Variants in ADAMTS2 observed in about 807,000 individuals in gnomAD.
ADAMTS2 encodes the protein A disintegrin and metalloproteinase with thrombospondin motifs 2.
Under a neutral mutation model 123.0 loss-of-function variants are expected in ADAMTS2, and 50 were observed. That is an observed-to-expected ratio of 0.41 (90% confidence interval 0.32 to 0.51). The LOEUF (loss-of-function observed/expected upper bound fraction) is 0.51, where lower values mean the gene tolerates loss of function less well. ADAMTS2 is among the 20% of genes least tolerant of loss of function. The probability of loss-of-function intolerance (pLI) is 0.35; values close to 1 mark genes in which losing one functional copy is unlikely to be tolerated. For missense variants in ADAMTS2, 1,494 were observed against 1,705.2 expected (o/e 0.88, Z 2.18); for synonymous variants, 678 against 695.4 (o/e 0.98, Z 0.39).
intron 3 of ADAMTS2, among the ~76,000 whole-genome samples, chr5:179,217,674 C>T (rs1765012108): frequency 8.1e-6 from 1 of 123,766 alleles, no homozygotes; most frequent in Non-Finnish European, 1.8e-5. Flanking sequence ...CTTAGCTGCC[C>T]CATCCCCTGT....
intron 3 of ADAMTS2, among the ~76,000 whole-genome samples, chr5:179,259,344 G>C (rs1376727756): frequency 1.3e-5 from 2 of 152,250 alleles, no homozygotes; most frequent in Non-Finnish European, 2.9e-5. Flanking sequence ...TTTGTGGACT[G>C]ACTAGTGCAC....
chr5:179,319,265 G>C (rs911379997), intron 2 of ADAMTS2, among the ~76,000 whole-genome samples: 3 of 152,246 alleles, frequency 2.0e-5, no homozygotes, highest in African/African-American at 7.2e-5. Flanking sequence ...CCACACATGT[G>C]CACTACACAC....
chr5:179,227,942 T>C (rs747204917), intron 3 of ADAMTS2, among the ~76,000 whole-genome samples: 7 of 151,856 alleles, frequency 4.6e-5, no homozygotes, highest in Non-Finnish European at 8.8e-5. Context: ...GAGTCACAGC[T>C]TGGGTGCAGA....
chr5:179,209,200 C>T (rs1764791937), intron 3 of ADAMTS2, among the ~76,000 whole-genome samples: 3 of 152,312 alleles, frequency 2.0e-5, no homozygotes, highest in East Asian at 3.9e-4. Flanking sequence ...ACTCGGTGGA[C>T]GTGGCCATTT....
Position 179,314,732 on chromosome 5 carries a change from G to A in ADAMTS2, c.534+29035C>T, listed in dbSNP as rs936666439. 3.9e-5 allele frequency among the ~76,000 whole-genome samples: 6 copies of A among 152,110 alleles called. No individual in the cohort carries two copies. On this transcript the variant is annotated intron_variant, in intron 2 of 21. Transcript: ENST00000251582. The surrounding 1 kb of genome is among the most constrained non-coding windows in gnomAD (Gnocchi z 4.5). Reference sequence around the variant, plus strand: ...TCCACCAAGCCCTTGTAGCCTTCCTGCACCCAGGTGGGGCTCCTGTCCCCC... The same window carrying A: ...TCCACCAAGCCCTTGTAGCCTTCCTACACCCAGGTGGGGCTCCTGTCCCCC...
intron 3 of ADAMTS2, among the ~76,000 whole-genome samples, chr5:179,209,389 G>A (rs1764796091): frequency 3.9e-5 from 6 of 152,204 alleles, no homozygotes; most frequent in Admixed American, 3.9e-4. Flanking sequence ...GCGAGGCGGA[G>A]GGTGAGGGCT....
Position 179,113,949 on chromosome 5 carries a change from C to T in ADAMTS2, c.3554G>A (p.Ser1185Asn). ...TTGGTTTCTGGTCTTTTCATAGGGG[C>T]TCGGTCGTCGAGGGATTAGGTTGGG... is the stretch of plus-strand genomic sequence containing the variant. ...QPPNLIPRRP[S>N]PYEKTRNQRI... Residue 1185 changes from serine (S) to asparagine (N), a missense_variant, in exon 22 of 22, where the codon AGC (serine) becomes AAC (asparagine). Physicochemically the swap from Ser to Asn is conservative, Grantham distance 46. This residue lies in a region of ADAMTS2 where 953 missense variants were observed against 1,124.7 expected (regional missense o/e 0.85). Transcript: ENST00000251582. 6.2e-7 allele frequency: 1 copy of T among 1,614,128 alleles called. No homozygotes were observed. Among genetic ancestry groups the T allele is most frequent in the Non-Finnish European group, 8.5e-7 (1 of 1,180,030 alleles).
chr5:179,122,892 C>T (rs1262541597), intron 19 of ADAMTS2, 119 bp from the exon 20 acceptor site: 3 of 1,474,304 alleles, frequency 2.0e-6, no homozygotes, highest in Non-Finnish European at 2.8e-6. Flanking sequence ...AGGTGTGGGA[C>T]AGTGGGGAGA....
chr5:179,147,849 A>C (rs140047896), intron 10 of ADAMTS2, among the ~76,000 whole-genome samples: 6 of 152,346 alleles, frequency 3.9e-5, no homozygotes, highest in Admixed American at 3.9e-4. Flanking sequence ...AATTGTATCA[A>C]TGAGAAGCAG....
chr5:179,119,631 G>A (rs1040074159), intron 21 of ADAMTS2, among the ~76,000 whole-genome samples: 2 of 152,264 alleles, frequency 1.3e-5, no homozygotes, highest in Non-Finnish European at 1.5e-5. Context: ...CCCCTCTCCC[G>A]ACCCAGGCTT....
chr5:179,271,596 G>A lies in ADAMTS2; in HGVS notation c.688+1315C>T, dbSNP rs527942851. Among the ~76,000 whole-genome samples the A allele has an allele frequency of 1.2e-4, 19 of 152,312 alleles. No homozygotes were observed. The South Asian group carries it at 2.1e-3, about 17-fold the overall frequency. On this transcript the variant is annotated intron_variant, in intron 3 of 21. Coordinates refer to ENST00000251582, the MANE Select transcript of ADAMTS2 (RefSeq NM_014244.5). ...AATAGTCCAAGGGTGGGGATAAGTC[G>A]AGGCTGAGACCACAGCTGGAAAAGG...
Position 179,207,969 on chromosome 5 carries a change from C to T in ADAMTS2, c.689-254G>A, listed in dbSNP as rs576818106. The stretch of plus-strand genomic sequence containing the variant: ...CTCGTTCCCCAGCCCCTGGTGGCAA[C>T]CCCAGCCACAGCAGGGGCCACAGTG... On this transcript the variant is annotated intron_variant, in intron 3 of 21. Coordinates refer to ENST00000251582, the MANE Select transcript of ADAMTS2 (RefSeq NM_014244.5). Among the ~76,000 whole-genome samples, 15 of 152,296 alleles carry T rather than the reference C, an allele frequency of 9.8e-5. 1 individual carries two copies. Among genetic ancestry groups the T allele is most frequent in the African/African-American group, 3.6e-4 (15 of 41,566 alleles).
At position 179,260,272 on chromosome 5, in the gene ADAMTS2, C is replaced by G. The variant is rs1766181739; in HGVS notation, c.688+12639G>C. Among the ~76,000 whole-genome samples, 1 of 152,198 alleles carries G rather than the reference C, an allele frequency of 6.6e-6. No homozygotes were observed. The highest frequency in any genetic ancestry group is 2.1e-4 in the South Asian group (1 of 4,830). On this transcript the variant is annotated intron_variant, in intron 3 of 21. Coordinates refer to ENST00000251582, the MANE Select transcript of ADAMTS2 (RefSeq NM_014244.5). The surrounding 1 kb of genome is among the most constrained non-coding windows in gnomAD (Gnocchi z 4.2). ...GCTCCCGGAGTGAGCTCCTGGGCGA[C>G]CGGGCTTCCTAGGCACTATGCTTAT...
rs756028103 is a variant in ADAMTS2, at chr5:179,130,475, A to T, written c.2291-377T>A. Among the ~76,000 whole-genome samples, 17 of 152,218 alleles carry T rather than the reference A, an allele frequency of 1.1e-4. No homozygotes were observed. Among genetic ancestry groups the T allele is most frequent in the Admixed American group, 3.9e-4 (6 of 15,286 alleles). On this transcript the variant is annotated intron_variant, in intron 15 of 21. Coordinates refer to ENST00000251582, the MANE Select transcript of ADAMTS2 (RefSeq NM_014244.5). This position sits in a 1 kb window ranked among gnomAD's most constrained non-coding sequence, Gnocchi z 4.3. The stretch of plus-strand genomic sequence containing the variant: ...GAGGGGTCTGTACGCGGTGCAGGGC[A>T]TCTGCTGGACAGGCGAGCACATGAC...
In ADAMTS2 at chr5:179,113,608, A is replaced by C; in HGVS notation, c.*259T>G. On this transcript the variant is annotated 3_prime_UTR_variant, in exon 22 of 22. Coordinates refer to ENST00000251582, the MANE Select transcript of ADAMTS2 (RefSeq NM_014244.5). ...TGCCCTGCCCTCACTGAGGGAGGCCATACAGCCTCTATATTCCTCTCCACT... is the reference window on the plus strand; with the variant it reads ...TGCCCTGCCCTCACTGAGGGAGGCCCTACAGCCTCTATATTCCTCTCCACT... 1 of 525,808 alleles carries C rather than the reference A, an allele frequency of 1.9e-6. No homozygotes were observed. Among genetic ancestry groups the C allele is most frequent in the East Asian group, 3.4e-5 (1 of 29,090 alleles). 32.6% of individuals were successfully genotyped at this position (525,808 alleles called of 1,614,324 possible).
At chr5:179,137,702 G>GCCCCCCCCCC in intron 12 of ADAMTS2, 67 bp downstream of exon 12, 2 of 1,510,834 alleles carry the variant, frequency 1.3e-6, no homozygotes, top group Middle Eastern at 2.3e-4. Context: ...AGAGGCACAA[G>GCCCCCCCCCC]CCCCCACCCT....
rs572958223 is a variant in ADAMTS2 at position 179,247,207 on chromosome 5, G to A, written c.688+25704C>T. On this transcript the variant is annotated intron_variant, in intron 3 of 21. Coordinates refer to ENST00000251582, the MANE Select transcript of ADAMTS2 (RefSeq NM_014244.5). Reference sequence around the variant, plus strand: ...AATAAAGAAATAGAAATTATAAAAAGGAACCACAAACAATTTTGGAGCTGA... The same window carrying A: ...AATAAAGAAATAGAAATTATAAAAAAGAACCACAAACAATTTTGGAGCTGA... Among the ~76,000 whole-genome samples the A allele has an allele frequency of 2.3e-3, 346 of 152,140 alleles. 2 individuals carry two copies. Among genetic ancestry groups the A allele is most frequent in the Middle Eastern group, 0.02 (6 of 294 alleles).
chr5:179,173,355 T>C (rs1289877371), intron 5 of ADAMTS2, among the ~76,000 whole-genome samples: 1 of 152,154 alleles, frequency 6.6e-6, no homozygotes, highest in Non-Finnish European at 1.5e-5. Flanking sequence ...ACATTTGATG[T>C]GTTCCTTCCA....
In ADAMTS2 at chr5:179,202,860, C is replaced by T. The variant is rs1319515967; in HGVS notation, c.891+4653G>A. 1.3e-5 allele frequency among the ~76,000 whole-genome samples: 2 copies of T among 152,188 alleles called. No homozygotes were observed. The highest frequency in any genetic ancestry group is 4.8e-5 in the African/African-American group (2 of 41,434). Reference sequence around the variant, plus strand: ...GGAGGGGACTCCAAGCTCTTACCAGCCTTGGTCCACAGGTGACCCAGGTCA... The same window carrying T: ...GGAGGGGACTCCAAGCTCTTACCAGTCTTGGTCCACAGGTGACCCAGGTCA... On this transcript the variant is annotated intron_variant, in intron 4 of 21. Coordinates refer to ENST00000251582, the MANE Select transcript of ADAMTS2 (RefSeq NM_014244.5). This position sits in a 1 kb window ranked among gnomAD's most constrained non-coding sequence, Gnocchi z 4.0.
Sources: allele counts gnomAD v4.1 joint callset (sites outside exome capture counted in the v4.1 genomes callset), GRCh38; gene constraint gnomAD v4.1.1; regional missense constraint gnomAD v4.1.1; non-coding constraint Gnocchi (gnomAD v3.1); transcripts MANE v1.5; gene names NCBI Gene and HGNC (gene_info 2026-07-23, HGNC 2026-07-21).